TRIM2: variants seen among roughly 807,000 people sequenced by gnomAD.
The protein encoded by TRIM2 is tripartite motif-containing protein 2.
In TRIM2, 20 loss-of-function variants were observed where a neutral mutation model predicts 75.2. That is an observed-to-expected ratio of 0.27 (90% CI 0.19 to 0.39). TRIM2 has a LOEUF of 0.39. Among genes scored for constraint, TRIM2 ranks in the 10% least tolerant of loss-of-function variants. The pLI is 1.00. For missense variants in TRIM2, 660 were observed against 990.8 expected (o/e 0.67, Z 4.48); for synonymous variants, 373 against 388.3 (o/e 0.96, Z 0.46).
intron 1 of TRIM2, among the ~76,000 whole-genome samples, chr4:153,183,598 A>G (rs1486867265): frequency 6.6e-6 from 1 of 152,176 alleles, no homozygotes; most frequent in East Asian, 1.9e-4. Flanking sequence ...GCAAGCAGAT[A>G]ATATCCCCAG....
intron 3 of TRIM2, among the ~76,000 whole-genome samples, chr4:153,288,741 C>A (rs1761210241): frequency 6.6e-6 from 1 of 151,688 alleles, no homozygotes. Context: ...TTGATGGTGT[C>A]CCACGGGCCT....
intron 1 of TRIM2, among the ~76,000 whole-genome samples, chr4:153,211,387 A>C (rs550645560): frequency 4.6e-5 from 7 of 151,992 alleles, no homozygotes; most frequent in Non-Finnish European, 1.0e-4. Context: ...AAGAAACTAC[A>C]TCCAACCTTT....
rs1749794204 is a variant in TRIM2 at position 153,248,054 on chromosome 4, GAC to G, written c.31-22277_31-22276del. The stretch of plus-strand genomic sequence containing the variant: ...TCTGTCCCCCAGGCTGGAGTGCGGT[GAC>G]ACAGTCTCTGCTCACTGGCGCGTCC... On this transcript the variant is annotated intron_variant, in intron 1 of 11. Transcript: ENST00000338700. This position sits in a 1 kb window ranked among gnomAD's most constrained non-coding sequence, Gnocchi z 4.0. Among the ~76,000 whole-genome samples, 3 of 147,094 alleles carry G rather than the reference GAC, an allele frequency of 2.0e-5. No homozygotes were observed. Among genetic ancestry groups the G allele is most frequent in the Non-Finnish European group, 4.4e-5 (3 of 67,496 alleles).
At chr4:153,305,823 C>T (rs1764852539) in intron 6 of TRIM2, among the ~76,000 whole-genome samples, 1 of 152,192 alleles carries the variant, frequency 6.6e-6, no homozygotes, top group Non-Finnish European at 1.5e-5. Context: ...ATAACAGTAA[C>T]TTTCTGGGGG....
At chr4:153,197,077 G>T (rs1733856350) in intron 1 of TRIM2, among the ~76,000 whole-genome samples, 1 of 152,190 alleles carries the variant, frequency 6.6e-6, no homozygotes, top group Non-Finnish European at 1.5e-5. Context: ...GTGTTGATGT[G>T]TGGTTAGCAG....
At chr4:153,258,523 T>C (rs1752635213) in intron 1 of TRIM2, among the ~76,000 whole-genome samples, 1 of 152,140 alleles carries the variant, frequency 6.6e-6, no homozygotes, top group South Asian at 2.1e-4. Context: ...ATTCCTTCTT[T>C]TGGGGGGATA....
intron 1 of TRIM2, among the ~76,000 whole-genome samples, chr4:153,166,649 T>C (rs1730358777): frequency 6.6e-6 from 1 of 152,052 alleles, no homozygotes. Flanking sequence ...CCTGGGCTCA[T>C]GTGATCCTCC....
At chr4:153,184,229 G>T (rs1009399084) in intron 1 of TRIM2, among the ~76,000 whole-genome samples, 2 of 152,138 alleles carry the variant, frequency 1.3e-5, no homozygotes, top group African/African-American at 4.8e-5. Flanking sequence ...TTTGGAGGCT[G>T]GAAGTCGAAG....
At chr4:153,244,839 G>T (rs1328202163) in intron 1 of TRIM2, among the ~76,000 whole-genome samples, 1 of 152,222 alleles carries the variant, frequency 6.6e-6, no homozygotes, top group Non-Finnish European at 1.5e-5. Context: ...GGAAAGGAAA[G>T]AATGGAATTG....
chr4:153,260,700 C>CCA (rs1185919053), intron 1 of TRIM2, among the ~76,000 whole-genome samples: 158 of 67,340 alleles, frequency 2.3e-3, no homozygotes, highest in Middle Eastern at 8.3e-3. Flanking sequence ...ACCCCCCCCC[C>CCA]CACACACACA....
chr4:153,236,593 T>C (rs1745087879), intron 1 of TRIM2, among the ~76,000 whole-genome samples: 1 of 152,226 alleles, frequency 6.6e-6, no homozygotes, highest in African/African-American at 2.4e-5. Context: ...GATTGTCCTT[T>C]ATACAGCAGT....
intron 3 of TRIM2, among the ~76,000 whole-genome samples, chr4:153,283,441 G>A (rs1266737571): frequency 1.3e-5 from 2 of 152,002 alleles, no homozygotes; most frequent in African/African-American, 2.4e-5. Context: ...ACAATTTATC[G>A]ATTCATTCAT....
upstream of TRIM2, among the ~76,000 whole-genome samples, chr4:153,202,966 G>A (rs1189553784): frequency 2.6e-5 from 4 of 151,326 alleles, no homozygotes; most frequent in Non-Finnish European, 4.4e-5. Flanking sequence ...TTAGCTGGTC[G>A]TGGTGGTGCG....
chr4:153,277,747 A>C (rs1039817702), intron 3 of TRIM2, among the ~76,000 whole-genome samples: 1 of 152,252 alleles, frequency 6.6e-6, no homozygotes, highest in Non-Finnish European at 1.5e-5. Flanking sequence ...AGAGAAGGAC[A>C]CCATGGCTTA....
intron 11 of TRIM2, among the ~76,000 whole-genome samples, chr4:153,330,723 A>T (rs1430802229): frequency 4.6e-5 from 7 of 152,200 alleles, no homozygotes; most frequent in African/African-American, 1.7e-4. Context: ...CAACTTGATA[A>T]ACAACATCTA....
chr4:153,275,638 C>A (rs1757837324), intron 2 of TRIM2, among the ~76,000 whole-genome samples: 1 of 152,246 alleles, frequency 6.6e-6, no homozygotes, highest in Non-Finnish European at 1.5e-5. Flanking sequence ...CCATGGACCA[C>A]ACTTTGTGTG....
intron 1 of TRIM2, among the ~76,000 whole-genome samples, chr4:153,185,655 T>G (rs1251459039): frequency 1.3e-5 from 2 of 152,220 alleles, no homozygotes; most frequent in East Asian, 3.8e-4. Context: ...GTTTCTGCTT[T>G]GTCCCTCCAC....
At chr4:153,318,739 A>G (rs1352340623) in intron 8 of TRIM2, among the ~76,000 whole-genome samples, 9 of 152,204 alleles carry the variant, frequency 5.9e-5, no homozygotes, top group Non-Finnish European at 2.9e-5. Flanking sequence ...ACTTACGGAG[A>G]CAGGAGTTTT....
chr4:153,160,580 C>T (rs1203708844), intron 1 of TRIM2, among the ~76,000 whole-genome samples: 1 of 151,960 alleles, frequency 6.6e-6, no homozygotes, highest in Non-Finnish European at 1.5e-5. Flanking sequence ...GCCATCTAGG[C>T]TTCAAGGGAT....
Sources: allele counts gnomAD v4.1 joint callset (sites outside exome capture counted in the v4.1 genomes callset), GRCh38; gene constraint gnomAD v4.1.1; non-coding constraint Gnocchi (gnomAD v3.1); transcripts MANE v1.5; gene names NCBI Gene and HGNC (gene_info 2026-07-23, HGNC 2026-07-21).